SLC25A26: variants seen among roughly 807,000 people sequenced by gnomAD.
SLC25A26 encodes solute carrier family 25 member 26.
In SLC25A26, 36 loss-of-function variants were observed where a neutral mutation model predicts 37.8. The ratio of observed to expected loss-of-function variants is 0.95; its 90% CI spans 0.73 to 1.26. The LOEUF is 1.26. SLC25A26 is among the 50% of genes most tolerant of loss of function. The pLI is 0.00. For synonymous variants in SLC25A26, 129 were observed against 122.5 expected (o/e 1.05, Z -0.35); for missense variants, 390 against 331.1 (o/e 1.18, Z -1.38).
At chr3:66,295,536 G>C (rs1283159565) in intron 5 of SLC25A26, among the ~76,000 whole-genome samples, 1 of 151,932 alleles carries the variant, frequency 6.6e-6, no homozygotes, top group African/African-American at 2.4e-5. Context: ...TGAGTAGCTG[G>C]GACTACAGGT....
rs2107554255 is a variant in SLC25A26, at chr3:66,300,309, C to A, written c.453+36930C>A. On this transcript the variant is annotated intron_variant, in intron 5 of 9. Coordinates refer to ENST00000354883, the MANE Select transcript of SLC25A26 (RefSeq NM_001379210.1). Reference sequence around the variant, plus strand: ...TGGAATTTAGCCATTACCAATATTACTTGAAGTGAGCAGGCCATTGACTGC... The same window carrying A: ...TGGAATTTAGCCATTACCAATATTAATTGAAGTGAGCAGGCCATTGACTGC... Among the ~76,000 whole-genome samples the A allele has an allele frequency of 2.3e-5, 3 of 132,826 alleles. No homozygotes were observed. The Middle Eastern group carries it at 0.015, about 651-fold the overall frequency. 87.1% of individuals were successfully genotyped at this position (132,826 alleles called of 152,430 possible). A position where few individuals can be genotyped will look rare whatever the true frequency, so the allele number is the denominator to read the frequency against.
At chr3:66,305,769 G>T (rs764332999) in intron 5 of SLC25A26, among the ~76,000 whole-genome samples, 2 of 152,082 alleles carry the variant, frequency 1.3e-5, no homozygotes, top group East Asian at 3.9e-4. Flanking sequence ...ACATACATGT[G>T]CGTGTGTCTT....
intron 5 of SLC25A26, among the ~76,000 whole-genome samples, chr3:66,332,848 C>T (rs989067161): frequency 6.6e-6 from 1 of 152,146 alleles, no homozygotes; most frequent in African/African-American, 2.4e-5. Flanking sequence ...CCCCAGAGGT[C>T]TCTAATTCAT....
intron 1 of SLC25A26, among the ~76,000 whole-genome samples, chr3:66,192,010 G>A (rs1430174343): frequency 6.6e-6 from 1 of 151,654 alleles, no homozygotes; most frequent in Non-Finnish European, 1.5e-5. Context: ...TGGGTTTAGT[G>A]CCTTTATAAA....
rs559739849 is a variant in SLC25A26, at chr3:66,273,837, T to C, written c.453+10458T>C. Among the ~76,000 whole-genome samples, 20 of 152,250 alleles carry C rather than the reference T, an allele frequency of 1.3e-4. 1 individual carries two copies. In the South Asian group the frequency reaches 1.9e-3, roughly 14 times the overall value. On this transcript the variant is annotated intron_variant, in intron 5 of 9. Transcript: ENST00000354883. ...TGGCCATACTGCCCAAGGTAATTTT[T>C]AGATTCAATGCCATCCCCATCAAGC...
chr3:66,134,903 T>C (rs546805051), intron 1 of SLC25A26, among the ~76,000 whole-genome samples: 58 of 152,240 alleles, frequency 3.8e-4, no homozygotes, highest in African/African-American at 1.4e-3. Context: ...TGATCTCGAC[T>C]CACTGCAACT....
chr3:66,290,520 A>C (rs2074669311), intron 5 of SLC25A26, among the ~76,000 whole-genome samples: 1 of 152,220 alleles, frequency 6.6e-6, no homozygotes, highest in South Asian at 2.1e-4. Flanking sequence ...AGTTTTTAGC[A>C]TGAAGAGATG....
At chr3:66,279,452 C>T (rs1415285637) in intron 5 of SLC25A26, among the ~76,000 whole-genome samples, 1 of 152,082 alleles carries the variant, frequency 6.6e-6, no homozygotes, top group Non-Finnish European at 1.5e-5. Context: ...AATGAAAATG[C>T]TTTCAGATAT....
chr3:66,221,200 C>A, intron 1 of SLC25A26, 73 bp downstream of exon 1: 1 of 1,419,590 alleles, frequency 7.0e-7, no homozygotes, highest in Non-Finnish European at 9.3e-7. Flanking sequence ...GCGTTCTCTG[C>A]ACTGGTTTTC....
chr3:66,298,804 G>C (rs1157581929), intron 5 of SLC25A26, among the ~76,000 whole-genome samples: 1 of 152,228 alleles, frequency 6.6e-6, no homozygotes, highest in Non-Finnish European at 1.5e-5. Context: ...ATTACAGGAT[G>C]ACGTTGCTAT....
chr3:66,373,358 G>C (rs894366436), intron 9 of SLC25A26, among the ~76,000 whole-genome samples: 6 of 152,202 alleles, frequency 3.9e-5, no homozygotes, highest in Non-Finnish European at 1.5e-5. Context: ...CGTTAAGGCC[G>C]TAATTACGTT....
Position 66,294,417 on chromosome 3 carries a change from G to A in SLC25A26, c.453+31038G>A, listed in dbSNP as rs560792003. Among the ~76,000 whole-genome samples the A allele has an allele frequency of 6.8e-4, 104 of 152,218 alleles. 4 individuals are homozygous for A. The South Asian group carries it at 0.021, about 30-fold the overall frequency. ...GTTTATCAGCATAAGGAGCTTTTGG[G>A]CCGGGACTATGGGGTTTTCTAGATA... On this transcript the variant is annotated intron_variant, in intron 5 of 9. Transcript: ENST00000354883.
intron 9 of SLC25A26, among the ~76,000 whole-genome samples, chr3:66,372,465 T>C (rs556932092): frequency 1.3e-5 from 2 of 152,336 alleles, no homozygotes; most frequent in Admixed American, 6.5e-5. Context: ...CTTGACGTTA[T>C]AATACTAAGC....
intron 1 of SLC25A26, among the ~76,000 whole-genome samples, chr3:66,150,151 A>C (rs1254023581): frequency 2.6e-5 from 4 of 152,152 alleles, no homozygotes; most frequent in African/African-American, 9.7e-5. Flanking sequence ...AGGTGACTTT[A>C]TTAAAAGGTA....
intron 1 of SLC25A26, among the ~76,000 whole-genome samples, chr3:66,230,555 G>C (rs1366458128): frequency 6.6e-6 from 1 of 152,058 alleles, no homozygotes; most frequent in African/African-American, 2.4e-5. Context: ...TGTAATCCCA[G>C]CACTTTGGGA....
intron 5 of SLC25A26, among the ~76,000 whole-genome samples, chr3:66,273,963 C>A (rs1322635154): frequency 1.3e-5 from 2 of 152,138 alleles, no homozygotes; most frequent in Admixed American, 1.3e-4. Flanking sequence ...GCCAAAAGAA[C>A]AAAGCTGGAG....
chr3:66,227,655 G>C (rs2071820264), intron 1 of SLC25A26, among the ~76,000 whole-genome samples: 1 of 152,130 alleles, frequency 6.6e-6, no homozygotes, highest in African/African-American at 2.4e-5. Context: ...TGCAAAGTGA[G>C]GACCGCTTGT....
intron 5 of SLC25A26, among the ~76,000 whole-genome samples, chr3:66,306,662 C>T (rs1363046091): frequency 6.6e-6 from 1 of 152,096 alleles, no homozygotes; most frequent in African/African-American, 2.4e-5. Context: ...CCCCTTGCCC[C>T]CAGCCCCCAA....
chr3:66,270,852 A>G (rs1376306582), intron 5 of SLC25A26, among the ~76,000 whole-genome samples: 1 of 152,190 alleles, frequency 6.6e-6, no homozygotes, highest in Non-Finnish European at 1.5e-5. Context: ...TTCAGTGCAT[A>G]GTTTCTCATG....
Sources: gnomAD v4.1 joint callset for allele counts (sites outside exome capture counted in the v4.1 genomes callset) on GRCh38, gnomAD v4.1.1 for gene constraint, MANE v1.5 for transcripts, NCBI Gene and HGNC (gene_info 2026-07-23, HGNC 2026-07-21) for gene names.